Variants in GATAD1 observed in about 807,000 individuals in gnomAD.
The protein encoded by GATAD1 is GATA zinc finger domain-containing protein 1.
In GATAD1, 12 loss-of-function variants were observed where a neutral mutation model predicts 26.5. That is an observed-to-expected ratio of 0.45 (90% CI 0.29 to 0.73). GATAD1 has a LOEUF of 0.73. GATAD1 is among the 30% of genes least tolerant of loss of function. The pLI is 0.10. For missense variants in GATAD1, 266 were observed against 342.1 expected, an observed-to-expected ratio of 0.78 and a Z score of 1.75; for synonymous variants, 129 against 133.1, an observed-to-expected ratio of 0.97 and a Z score of 0.21.
the GATAD1 span, among the ~76,000 whole-genome samples, chr7:92,473,936 T>C: frequency 2.0e-5 from 3 of 152,064 alleles, no homozygotes; most frequent in African/African-American, 7.2e-5. Context: ...AGGACCTTTG[T>C]CCCCTGGGGC....
chr7:92,494,476 A>C, the GATAD1 span: 10 of 1,613,170 alleles, frequency 6.2e-6, no homozygotes, highest in Non-Finnish European at 8.5e-6. Flanking sequence ...TTCTGTATTT[A>C]TAATTATTAC....
the GATAD1 span, chr7:92,470,200 G>C: frequency 1.3e-6 from 1 of 778,670 alleles, no homozygotes. Context: ...GGCAGTGAAG[G>C]TGGGGGTTCC....
the GATAD1 span, chr7:92,489,934 G>A: frequency 1.3e-6 from 2 of 1,585,610 alleles, no homozygotes; most frequent in Admixed American, 1.7e-5. Flanking sequence ...TTGTAGTAAT[G>A]AAAGATGGAA....
the GATAD1 span, chr7:92,471,058 T>G: frequency 6.0e-6 from 1 of 167,124 alleles, no homozygotes; most frequent in Non-Finnish European, 1.5e-5. Flanking sequence ...GCAGGGCTAT[T>G]GTCACTCTGT....
downstream of GATAD1, chr7:92,464,959 C>G (rs1026282058): frequency 1.3e-5 from 2 of 152,214 alleles, no homozygotes; most frequent in African/African-American, 4.8e-5. Flanking sequence ...GTGAATAAAG[C>G]TTGTTTCTTC....
chr7:92,494,210 T>C, the GATAD1 span: 1 of 993,908 alleles, frequency 1.0e-6, no homozygotes, highest in East Asian at 2.5e-5. Context: ...TAAGGACAAT[T>C]GCCATTACCT....
chr7:92,494,288 G>A, the GATAD1 span: 1 of 1,603,522 alleles, frequency 6.2e-7, no homozygotes, highest in Non-Finnish European at 8.5e-7. Context: ...ATATGAAATT[G>A]TCACCTGATC....
chr7:92,450,609 C>A, intron 2 of GATAD1, 92 bp from the exon 3 acceptor site: 1 of 742,416 alleles, frequency 1.3e-6, no homozygotes, highest in Non-Finnish European at 2.3e-6. Flanking sequence ...CATTTTAGTA[C>A]TTCTCAAATT....
At chr7:92,461,622 G>C (rs1167642251), downstream of GATAD1, among the ~76,000 whole-genome samples, 4 of 152,284 alleles carry the variant, frequency 2.6e-5, no homozygotes, top group Non-Finnish European at 5.9e-5. Context: ...AGTAATGAAA[G>C]AGATCACATA....
chr7:92,455,913 C>T (rs1202147471), intron 4 of GATAD1, among the ~76,000 whole-genome samples: 1 of 152,204 alleles, frequency 6.6e-6, no homozygotes, highest in Admixed American at 6.5e-5. Flanking sequence ...GCATCCTTGT[C>T]CTACAGCGAG....
At chr7:92,454,950 G>A (rs569479691) in intron 4 of GATAD1, among the ~76,000 whole-genome samples, 1 of 152,288 alleles carries the variant, frequency 6.6e-6, no homozygotes, top group East Asian at 1.9e-4. Context: ...TTCATGGAGT[G>A]AGAGCTCTTT....
chr7:92,475,514 G>A, the GATAD1 span, among the ~76,000 whole-genome samples: 6 of 152,098 alleles, frequency 3.9e-5, no homozygotes, highest in Non-Finnish European at 8.8e-5. Flanking sequence ...AGGGGTCCAG[G>A]CTGCTGGATT....
At chr7:92,476,691 C>G in the GATAD1 span, among the ~76,000 whole-genome samples, 2 of 152,018 alleles carry the variant, frequency 1.3e-5, no homozygotes, top group East Asian at 3.9e-4. Flanking sequence ...CCATTTCTCT[C>G]TCTCTCCTCT....
the GATAD1 span, among the ~76,000 whole-genome samples, chr7:92,490,660 T>G: frequency 7.0e-6 from 1 of 142,316 alleles, no homozygotes; most frequent in Admixed American, 6.9e-5. Flanking sequence ...AAAGCCTAAA[T>G]TAATAAAGCA....
chr7:92,469,215 T>C, the GATAD1 span: 2 of 758,644 alleles, frequency 2.6e-6, no homozygotes, highest in Non-Finnish European at 4.8e-6. Flanking sequence ...TTTCAGCGGT[T>C]AGCAAGTCTA....
the GATAD1 span, among the ~76,000 whole-genome samples, chr7:92,465,782 C>G: frequency 6.6e-6 from 1 of 152,274 alleles, no homozygotes; most frequent in African/African-American, 2.4e-5. Flanking sequence ...TGGGGGATCA[C>G]CTGAGGCCTG....
At chr7:92,463,203 T>C (rs1216215134), downstream of GATAD1, among the ~76,000 whole-genome samples, 1 of 152,210 alleles carries the variant, frequency 6.6e-6, no homozygotes, top group Non-Finnish European at 1.5e-5. Flanking sequence ...ATGTCATAGA[T>C]ACAGAACATT....
the GATAD1 span, among the ~76,000 whole-genome samples, chr7:92,481,067 G>A: frequency 2.0e-5 from 3 of 152,172 alleles, no homozygotes; most frequent in African/African-American, 7.2e-5. Flanking sequence ...GGGGGGCAGA[G>A]CAGTAGCCTC....
chr7:92,460,196 TACAC>T (rs558095229), downstream of GATAD1, among the ~76,000 whole-genome samples: 26 of 152,356 alleles, frequency 1.7e-4, 1 homozygote, highest in South Asian at 5.4e-3. Context: ...ATTTGCTTTA[TACAC>T]ATGCATGTGT....
Sources: allele counts gnomAD v4.1 joint callset (sites outside exome capture counted in the v4.1 genomes callset), GRCh38; gene constraint gnomAD v4.1.1; transcripts MANE v1.5; gene names NCBI Gene and HGNC (gene_info 2026-07-23, HGNC 2026-07-21).